Variants in NPEPPS observed in about 807,000 individuals in gnomAD.
NPEPPS encodes puromycin-sensitive aminopeptidase.
NPEPPS carries 14 observed loss-of-function variants against 115.5 expected under a neutral mutation model. The ratio of observed to expected loss-of-function variants is 0.12; its 90% CI spans 0.08 to 0.19. The LOEUF (loss-of-function observed/expected upper bound fraction) is 0.19. Among genes scored for constraint, NPEPPS ranks in the 10% least tolerant of loss-of-function variants. The pLI is 1.00. For synonymous variants in NPEPPS, 285 were observed against 390.6 expected (o/e 0.73, Z 3.19); for missense variants, 523 against 1,110.8 (o/e 0.47, Z 7.52).
chr17:47,556,659 G>C (rs1317257960), intron 2 of NPEPPS, among the ~76,000 whole-genome samples: 1 of 152,126 alleles, frequency 6.6e-6, no homozygotes, highest in South Asian at 2.1e-4. Flanking sequence ...AGGGGCGGCC[G>C]GGCAGAGGTG....
chr17:47,599,927 C>T (rs1346020204), intron 14 of NPEPPS, among the ~76,000 whole-genome samples, 188 bp downstream of exon 14: 2 of 151,952 alleles, frequency 1.3e-5, no homozygotes, highest in Non-Finnish European at 2.9e-5. Flanking sequence ...AAGCAATTCT[C>T]CTGCCTCAGC....
At chr17:47,593,681 AC>A (rs1314925689) in intron 12 of NPEPPS, among the ~76,000 whole-genome samples, 76 of 152,316 alleles carry the variant, frequency 5.0e-4, no homozygotes, top group Middle Eastern at 3.4e-3. Flanking sequence ...ACTTACAGAA[AC>A]CTACACAGTA....
intron 10 of NPEPPS, among the ~76,000 whole-genome samples, 186 bp downstream of exon 10, chr17:47,591,067 A>G (rs1173389835): frequency 6.6e-6 from 1 of 152,176 alleles, no homozygotes; most frequent in Non-Finnish European, 1.5e-5. Flanking sequence ...TTTTTAAGGT[A>G]GGCAGTAAAA....
intron 17 of NPEPPS, among the ~76,000 whole-genome samples, chr17:47,606,779 C>T (rs1219283715): frequency 3.6e-5 from 1 of 28,126 alleles, no homozygotes; most frequent in East Asian, 1.2e-3. Context: ...ATGCCATATA[C>T]TATTCTAAGA....
chr17:47,585,544 G>A lies in NPEPPS; in HGVS notation c.693G>A (p.Val231=). The A allele has an allele frequency of 6.2e-7, 1 of 1,613,836 alleles. No individual in the cohort carries two copies. The highest frequency in any genetic ancestry group is 8.5e-7 in the Non-Finnish European group (1 of 1,179,758). ...CATACCCTGATGATGAAAATTTAGT[G>A]GAAGTGAAGTTTGCCCGCACACCTG... The part of the protein sequence containing the change: ...RKPYPDDENL[V]EVKFARTPVM... The change falls in exon 6 of 23, where the codon GTG becomes GTA. Residue 231 remains valine, a synonymous_variant. Coordinates refer to ENST00000322157, the MANE Select transcript of NPEPPS (RefSeq NM_006310.4).
chr17:47,556,688 G>GGGCGGCTGGCCGGGTGGGGGC (rs1405115563), intron 2 of NPEPPS, among the ~76,000 whole-genome samples: 1 of 152,180 alleles, frequency 6.6e-6, no homozygotes, highest in Non-Finnish European at 1.5e-5. Context: ...CTCCCGGACG[G>GGGCGGCTGGCCGGGTGGGGGC]GGCGGCTGGC....
chr17:47,605,658 A>G (rs1034528988), intron 17 of NPEPPS, 106 bp downstream of exon 17: 2 of 735,672 alleles, frequency 2.7e-6, no homozygotes, highest in Admixed American at 2.8e-5. Flanking sequence ...ATGTTACTAT[A>G]TATTCAGCAA....
intron 2 of NPEPPS, among the ~76,000 whole-genome samples, chr17:47,555,088 A>G (rs1209924576): frequency 2.0e-5 from 3 of 152,144 alleles, no homozygotes; most frequent in Admixed American, 6.6e-5. Context: ...GCATTTCTTC[A>G]TGTGCTCTAT....
At chr17:47,524,054 C>T (rs1449669753) in intron 1 of NPEPPS, among the ~76,000 whole-genome samples, 2 of 151,364 alleles carry the variant, frequency 1.3e-5, no homozygotes, top group Non-Finnish European at 2.9e-5. Context: ...GCCTGTAATC[C>T]CTGCACTTTG....
intron 3 of NPEPPS, among the ~76,000 whole-genome samples, chr17:47,577,939 C>T (rs1175132238): frequency 6.6e-6 from 1 of 152,168 alleles, no homozygotes; most frequent in African/African-American, 2.4e-5. Context: ...GGCACAGTGG[C>T]TCATGCCTGT....
chr17:47,599,826 C>CT (rs34538095), intron 14 of NPEPPS, 87 bp downstream of exon 14: 40,729 of 881,964 alleles, frequency 0.046, no homozygotes, highest in South Asian at 0.054. Flanking sequence ...GGAAATTTTT[C>CT]TTTTTTTTTT....
intron 1 of NPEPPS, among the ~76,000 whole-genome samples, chr17:47,535,159 C>A (rs1469825352): frequency 1.6e-5 from 2 of 126,874 alleles, no homozygotes; most frequent in African/African-American, 6.2e-5. Context: ...AGGAGAATGG[C>A]GTGAATCTGG....
At chr17:47,546,038 T>C in intron 2 of NPEPPS, 45 bp downstream of exon 2, 3 of 1,432,306 alleles carry the variant, frequency 2.1e-6, no homozygotes, top group Non-Finnish European at 2.8e-6. Context: ...CATGTGCATA[T>C]GTGGGGTGTG....
At chr17:47,601,407 A>G (rs995999804) in intron 14 of NPEPPS, among the ~76,000 whole-genome samples, 1 of 152,060 alleles carries the variant, frequency 6.6e-6, no homozygotes. Flanking sequence ...TTTAGACAAC[A>G]TGTTGTGATT....
At chr17:47,550,853 G>C (rs1331575670) in intron 2 of NPEPPS, among the ~76,000 whole-genome samples, 1 of 151,634 alleles carries the variant, frequency 6.6e-6, no homozygotes, top group African/African-American at 2.4e-5. Context: ...TCTCGAACTC[G>C]AGACCTCAGG....
chr17:47,578,889 T>C (rs190829214), intron 3 of NPEPPS, among the ~76,000 whole-genome samples: 2 of 152,320 alleles, frequency 1.3e-5, no homozygotes, highest in Admixed American at 6.5e-5. Flanking sequence ...ACATGTATAA[T>C]TGGCAGACAG....
At chr17:47,599,355 AT>A (rs1913052319) in intron 13 of NPEPPS, among the ~76,000 whole-genome samples, 1 of 152,136 alleles carries the variant, frequency 6.6e-6, no homozygotes, top group Admixed American at 6.5e-5. Context: ...CCAATTTTAC[AT>A]TTGATTTAGG....
intron 13 of NPEPPS, among the ~76,000 whole-genome samples, chr17:47,599,220 C>A (rs1913046955): frequency 6.6e-6 from 1 of 152,124 alleles, no homozygotes; most frequent in African/African-American, 2.4e-5. Context: ...TAATTAGTAT[C>A]TAGTGTTAAC....
At chr17:47,549,936 T>C (rs909609840) in intron 2 of NPEPPS, among the ~76,000 whole-genome samples, 10 of 151,452 alleles carry the variant, frequency 6.6e-5, no homozygotes, top group African/African-American at 1.9e-4. Context: ...CTTTTAATTT[T>C]TTTTTTTTTT....
Sources: gnomAD v4.1 joint callset for allele counts (sites outside exome capture counted in the v4.1 genomes callset) on GRCh38, gnomAD v4.1.1 for gene constraint, MANE v1.5 for transcripts, NCBI Gene and HGNC (gene_info 2026-07-23, HGNC 2026-07-21) for gene names.